The following TBC1D1 variants were observed in gnomAD, a reference collection of about 807,000 sequenced individuals.
TBC1D1 encodes TBC1 (tre-2/USP6, BUB2, cdc16) domain family, member 1.
In TBC1D1, 89 loss-of-function variants were observed where a neutral mutation model predicts 125.6. The ratio of observed to expected loss-of-function variants is 0.71; its 90% CI spans 0.60 to 0.85. The LOEUF is 0.85. Ranked by LOEUF, TBC1D1 falls within the 40% of genes least tolerant of loss-of-function variation. The probability of loss-of-function intolerance (pLI) is 0.00; values close to 1 mark genes in which losing one functional copy is unlikely to be tolerated. For synonymous variants in TBC1D1, 565 were observed against 564.1 expected (o/e 1.00, Z -0.02); for missense variants, 1,377 against 1,469.2 (o/e 0.94, Z 1.03).
intron 2 of TBC1D1, among the ~76,000 whole-genome samples, chr4:37,906,130 T>C (rs1717258223): frequency 6.6e-6 from 1 of 151,782 alleles, no homozygotes; most frequent in Non-Finnish European, 1.5e-5. Context: ...ATCTTCAATA[T>C]TGTCTCGTCC....
intron 3 of TBC1D1, among the ~76,000 whole-genome samples, chr4:38,017,889 C>A (rs978023981): frequency 6.6e-6 from 1 of 152,214 alleles, no homozygotes; most frequent in African/African-American, 2.4e-5. Context: ...AATTGATGCT[C>A]ATACTCTAAC....
intron 19 of TBC1D1, among the ~76,000 whole-genome samples, chr4:38,136,556 C>A (rs909771783): frequency 9.2e-5 from 14 of 152,246 alleles, no homozygotes; most frequent in African/African-American, 2.9e-4. Context: ...TTGTTGGTTT[C>A]TTTTTGAGTA....
At chr4:38,124,874 T>A in intron 17 of TBC1D1, 88 bp from the exon 20 acceptor site, 1 of 1,143,454 alleles carries the variant, frequency 8.7e-7, no homozygotes, top group Non-Finnish European at 1.3e-6. Flanking sequence ...CCCACACTCC[T>A]GCTCTGTGAT....
At chr4:38,118,474 A>G in intron 17 of TBC1D1, 2 of 335,016 alleles carry the variant, frequency 6.0e-6, no homozygotes, top group Non-Finnish European at 5.4e-6. Flanking sequence ...TAGAGCAGAC[A>G]TTTGGAGGAC....
chr4:38,053,968 C>T (rs1751201564), intron 11 of TBC1D1, among the ~76,000 whole-genome samples: 1 of 152,224 alleles, frequency 6.6e-6, no homozygotes, highest in Non-Finnish European at 1.5e-5. Flanking sequence ...CTGTTACAAT[C>T]GAAATCACTT....
Position 38,021,634 on chromosome 4 carries a change from G to C in TBC1D1, c.1126G>C (p.Val376Leu). The change falls in exon 6 of 20, where the codon GTG (valine) becomes CTG (leucine). Residue 376 changes from valine to leucine, a missense_variant. Transcript: ENST00000261439. ...GAAACAGGCCTTCACGGTGGCCGCA[G>C]TGCAGCAGACAGCTAAGGCGCCAGC... 2 of 1,595,870 alleles carry C rather than the reference G, an allele frequency of 1.3e-6. No individual in the cohort carries two copies. Among genetic ancestry groups the C allele is most frequent in the Non-Finnish European group, 1.7e-6 (2 of 1,171,938 alleles).
rs1348465580 is a variant in TBC1D1 at position 37,977,158 on chromosome 4, AG to A, written c.418-37346del. The stretch of plus-strand genomic sequence containing the variant: ...CCTGCGCAGCCCTGGGCATCTCGGA[AG>A]GGGGCGACCCCAGCATGTCCCAACT... On this transcript the variant is annotated intron_variant, in intron 2 of 19. Transcript: ENST00000261439. The surrounding 1 kb of genome is among the most constrained non-coding windows in gnomAD (Gnocchi z 4.3). Among the ~76,000 whole-genome samples, 1 of 152,102 alleles carries A rather than the reference AG, an allele frequency of 6.6e-6. No individual in the cohort carries two copies. The highest frequency in any genetic ancestry group is 2.4e-5 in the African/African-American group (1 of 41,434).
intron 8 of TBC1D1, among the ~76,000 whole-genome samples, chr4:38,043,202 G>GT (rs1029112001): frequency 5.5e-4 from 82 of 150,388 alleles, no homozygotes; most frequent in Non-Finnish European, 2.5e-4. Flanking sequence ...GCGCCTGGCC[G>GT]TTTTTTTTTC....
At chr4:38,063,001 A>G (rs920247274) in intron 12 of TBC1D1, among the ~76,000 whole-genome samples, 1 of 152,206 alleles carries the variant, frequency 6.6e-6, no homozygotes, top group Non-Finnish European at 1.5e-5. Flanking sequence ...ACCTGACAGC[A>G]GATTCCTCCT....
chr4:38,074,764 C>CTT (rs10581033), intron 12 of TBC1D1, among the ~76,000 whole-genome samples: 62 of 142,640 alleles, frequency 4.3e-4, no homozygotes, highest in Admixed American at 1.3e-3. Flanking sequence ...GTCTCTCTCT[C>CTT]TTTTTTTTTT....
At chr4:38,112,933 A>G (rs1214987692) in intron 15 of TBC1D1, among the ~76,000 whole-genome samples, 1 of 152,182 alleles carries the variant, frequency 6.6e-6, no homozygotes, top group African/African-American at 2.4e-5. Flanking sequence ...GCTTGAGTGC[A>G]GAGCCTGTGA....
chr4:37,925,931 C>G (rs1329090812), intron 2 of TBC1D1, among the ~76,000 whole-genome samples: 1 of 152,150 alleles, frequency 6.6e-6, no homozygotes, highest in South Asian at 2.1e-4. Context: ...AATATTTCCC[C>G]ATCTACTTTT....
Position 38,119,151 on chromosome 4 carries a change from A to G in TBC1D1, c.2962+959A>G, listed in dbSNP as rs527425342. 3.9e-5 allele frequency among the ~76,000 whole-genome samples: 6 copies of G among 152,330 alleles called. No homozygotes were observed. The East Asian group carries it at 1.2e-3, about 29-fold the overall frequency. ...CTTAAAAACATGTGATCTTTAAAAAATTTGTTTTTATGATTAGAGAGCATC... is the reference window on the plus strand; with the variant it reads ...CTTAAAAACATGTGATCTTTAAAAAGTTTGTTTTTATGATTAGAGAGCATC... On this transcript the variant is annotated intron_variant, in intron 17 of 19. Transcript: ENST00000261439.
chr4:38,032,326 AAAAG>A, intron 7 of TBC1D1, among the ~76,000 whole-genome samples: 1 of 152,260 alleles, frequency 6.6e-6, no homozygotes, highest in East Asian at 1.9e-4. Flanking sequence ...CTCCCCCAAA[AAAAG>A]AAAGAAATGG....
At chr4:37,900,425 A>G (rs1715699287) in intron 1 of TBC1D1, among the ~76,000 whole-genome samples, 1 of 144,980 alleles carries the variant, frequency 6.9e-6, no homozygotes, top group Non-Finnish European at 1.5e-5. Flanking sequence ...TTTTTTTTCG[A>G]TTGGAGAGAC....
chr4:38,044,147 A>ATTTCGTCATTTTACTTGG (rs1440619434), intron 8 of TBC1D1, among the ~76,000 whole-genome samples: 2 of 152,232 alleles, frequency 1.3e-5, no homozygotes, highest in Non-Finnish European at 2.9e-5. Flanking sequence ...TTCAAAGCAC[A>ATTTCGTCATTTTACTTGG]TTTCGTCATT....
At chr4:38,125,881 G>A (rs778160312) in intron 18 of TBC1D1, among the ~76,000 whole-genome samples, 2 of 152,234 alleles carry the variant, frequency 1.3e-5, no homozygotes, top group Non-Finnish European at 2.9e-5. Context: ...GTGTCTAGAG[G>A]CTGGGTAGCT....
intron 2 of TBC1D1, among the ~76,000 whole-genome samples, chr4:37,910,895 T>A (rs1721167642): frequency 6.6e-6 from 1 of 151,934 alleles, no homozygotes. Flanking sequence ...TATCAAACTA[T>A]CTCATGTACC....
At chr4:38,038,419 A>G (rs1460260404) in intron 8 of TBC1D1, among the ~76,000 whole-genome samples, 1 of 152,114 alleles carries the variant, frequency 6.6e-6, no homozygotes, top group African/African-American at 2.4e-5. Flanking sequence ...TTTATCATAT[A>G]TTTATCTATT....
Sources: allele counts gnomAD v4.1 joint callset (sites outside exome capture counted in the v4.1 genomes callset), GRCh38; gene constraint gnomAD v4.1.1; non-coding constraint Gnocchi (gnomAD v3.1); transcripts MANE v1.5; gene names NCBI Gene and HGNC (gene_info 2026-07-23, HGNC 2026-07-21).